Variants in AUTS2 observed in about 807,000 individuals in gnomAD.
AUTS2 encodes the protein autism susceptibility gene 2 protein.
AUTS2 carries 17 observed loss-of-function variants against 112.4 expected under a neutral mutation model. The observed-to-expected ratio is 0.15, with a 90% CI of 0.10 to 0.23. The LOEUF (loss-of-function observed/expected upper bound fraction) is 0.23, where lower values mean the gene tolerates loss of function less well. Among genes scored for constraint, AUTS2 ranks in the 10% least tolerant of loss-of-function variants. The pLI is 1.00. For missense variants in AUTS2, 1,510 were observed against 1,701.6 expected (o/e 0.89, Z 1.98); for synonymous variants, 751 against 702.7 (o/e 1.07, Z -1.09).
intron 11 of AUTS2, 98 bp from the exon 12 acceptor site, chr7:70,773,930 G>C (rs549573744): frequency 1.6e-4 from 181 of 1,112,718 alleles, no homozygotes; most frequent in Non-Finnish European, 2.3e-4. Context: ...ACAAACAAAT[G>C]AAGTTTGGCT....
chr7:69,946,482 T>C (rs1013961235), intron 2 of AUTS2, among the ~76,000 whole-genome samples: 4 of 152,074 alleles, frequency 2.6e-5, no homozygotes, highest in Non-Finnish European at 4.4e-5. Context: ...TATGGCATTA[T>C]TCATAATAGT....
rs1029818405 is a variant in AUTS2 at position 70,653,577 on chromosome 7, C to G, written c.691-44992C>G. ...CCTCAAGAGGCCATTATGTCCTGTC[C>G]TTTTGAAGGGCATGTTTCTCAAAAG... On this transcript the variant is annotated intron_variant, in intron 5 of 18. Transcript: ENST00000342771. Among the ~76,000 whole-genome samples the G allele has an allele frequency of 2.0e-5, 3 of 152,238 alleles. No individual in the cohort carries two copies. In the South Asian group the frequency reaches 6.2e-4, roughly 32 times the overall value.
chr7:69,946,970 T>C (rs1314200281), intron 2 of AUTS2, among the ~76,000 whole-genome samples: 1 of 152,176 alleles, frequency 6.6e-6, no homozygotes, highest in Non-Finnish European at 1.5e-5. Context: ...ATGTTAGTCC[T>C]CAACTCATGG....
At chr7:70,313,803 G>A (rs1458842401) in intron 4 of AUTS2, among the ~76,000 whole-genome samples, 2 of 152,178 alleles carry the variant, frequency 1.3e-5, no homozygotes, top group Admixed American at 6.5e-5. Flanking sequence ...TCACGAACCA[G>A]GGCATGGCAT....
intron 2 of AUTS2, 67 bp downstream of exon 2, chr7:69,899,565 G>A (rs1457549590): frequency 2.0e-6 from 3 of 1,471,690 alleles, no homozygotes; most frequent in Non-Finnish European, 2.8e-6. Flanking sequence ...TTCCTCCACT[G>A]TGGTTTTTCG....
At chr7:70,102,668 A>G (rs1804562323) in intron 2 of AUTS2, among the ~76,000 whole-genome samples, 1 of 152,156 alleles carries the variant, frequency 6.6e-6, no homozygotes, top group African/African-American at 2.4e-5. Context: ...TAATAAGATT[A>G]TAGTTACAAG....
intron 1 of AUTS2, among the ~76,000 whole-genome samples, chr7:69,863,219 T>C (rs975521919): frequency 3.3e-5 from 5 of 152,248 alleles, no homozygotes; most frequent in Non-Finnish European, 7.3e-5. Context: ...TTTGATTCTG[T>C]ACTGAACATG....
At chr7:70,475,533 G>A (rs962670224) in intron 5 of AUTS2, among the ~76,000 whole-genome samples, 4 of 152,090 alleles carry the variant, frequency 2.6e-5, no homozygotes, top group Admixed American at 6.5e-5. Flanking sequence ...CACAGCATTC[G>A]ATCACTTATA....
At chr7:70,774,932 C>T (rs1238047327) in intron 12 of AUTS2, 2 of 177,830 alleles carry the variant, frequency 1.1e-5, no homozygotes, top group Non-Finnish European at 2.3e-5. Flanking sequence ...GTAAAGAGAG[C>T]CTAATTCTCC....
chr7:70,351,858 C>A (rs1791783501), intron 4 of AUTS2, among the ~76,000 whole-genome samples: 1 of 151,984 alleles, frequency 6.6e-6, no homozygotes, highest in African/African-American at 2.4e-5. Flanking sequence ...CCTGCTAGCA[C>A]ACCCAACTAA....
At chr7:69,906,689 A>G (rs1281664038) in intron 2 of AUTS2, among the ~76,000 whole-genome samples, 1 of 152,198 alleles carries the variant, frequency 6.6e-6, no homozygotes. Flanking sequence ...GAACTGTTGG[A>G]TGTCTTCATG....
chr7:70,197,366 G>A (rs1047615133), intron 4 of AUTS2, among the ~76,000 whole-genome samples: 2 of 151,710 alleles, frequency 1.3e-5, no homozygotes, highest in East Asian at 1.9e-4. Flanking sequence ...GAACAGCTCC[G>A]GTCTACAGCT....
chr7:70,607,681 A>G (rs1803857882), intron 5 of AUTS2, among the ~76,000 whole-genome samples: 1 of 152,210 alleles, frequency 6.6e-6, no homozygotes, highest in South Asian at 2.1e-4. Context: ...ATGCAGATGA[A>G]TTTGGCACAT....
At chr7:70,444,098 G>A (rs1211562166) in intron 5 of AUTS2, among the ~76,000 whole-genome samples, 2 of 152,154 alleles carry the variant, frequency 1.3e-5, no homozygotes, top group Non-Finnish European at 2.9e-5. Flanking sequence ...CAAGGAGGAG[G>A]CTGGGGGAGG....
chr7:70,049,936 A>AAT (rs1157855536), intron 2 of AUTS2, among the ~76,000 whole-genome samples: 3 of 152,294 alleles, frequency 2.0e-5, no homozygotes, highest in East Asian at 1.9e-4. Flanking sequence ...AGATAATTCA[A>AAT]ATATATATAT....
At chr7:70,101,706 A>T (rs998258288) in intron 2 of AUTS2, among the ~76,000 whole-genome samples, 1 of 152,158 alleles carries the variant, frequency 6.6e-6, no homozygotes, top group Admixed American at 6.6e-5. Flanking sequence ...AAAACAAAAA[A>T]CAAAAATTAA....
At chr7:70,743,795 G>T (rs984999469) in intron 6 of AUTS2, among the ~76,000 whole-genome samples, 4 of 152,192 alleles carry the variant, frequency 2.6e-5, no homozygotes, top group Non-Finnish European at 5.9e-5. Flanking sequence ...TGAAATGTGT[G>T]CCTGAAGTGC....
intron 1 of AUTS2, among the ~76,000 whole-genome samples, chr7:69,652,663 A>G (rs1443101509): frequency 6.6e-6 from 1 of 152,016 alleles, no homozygotes; most frequent in Non-Finnish European, 1.5e-5. Context: ...GAATTTATGG[A>G]CCTGCAAAGT....
intron 5 of AUTS2, among the ~76,000 whole-genome samples, chr7:70,467,052 ACTTCCTAGG>A (rs1372886205): frequency 6.6e-6 from 1 of 152,246 alleles, no homozygotes; most frequent in Non-Finnish European, 1.5e-5. Context: ...ACAATTATCT[ACTTCCTAGG>A]TTGGTTGTGG....
Sources: allele counts gnomAD v4.1 joint callset (sites outside exome capture counted in the v4.1 genomes callset), GRCh38; gene constraint gnomAD v4.1.1; transcripts MANE v1.5; gene names NCBI Gene and HGNC (gene_info 2026-07-23, HGNC 2026-07-21).